The following TMEM266 variants were observed in gnomAD, a reference collection of about 807,000 sequenced individuals.
TMEM266 encodes Hv1 related protein 1.
TMEM266 carries 33 observed loss-of-function variants against 50.5 expected under a neutral mutation model. That is an observed-to-expected ratio of 0.65 (90% CI 0.50 to 0.87). TMEM266 has a LOEUF of 0.87. TMEM266 is among the 40% of genes least tolerant of loss of function. TMEM266 has a pLI of 0.00. For missense variants in TMEM266, 655 were observed against 695.1 expected (o/e 0.94, Z 0.65); for synonymous variants, 310 against 292.3 (o/e 1.06, Z -0.62).
intron 1 of TMEM266, among the ~76,000 whole-genome samples, chr15:76,131,996 T>C (rs1486913615): frequency 1.3e-5 from 2 of 152,220 alleles, no homozygotes; most frequent in Non-Finnish European, 2.9e-5. Flanking sequence ...TTTAAGAACC[T>C]GGGTTCTGAG....
chr15:76,203,650 T>C, intron 10 of TMEM266, 91 bp from the exon 11 acceptor site: 3 of 1,248,118 alleles, frequency 2.4e-6, no homozygotes, highest in South Asian at 1.4e-5. Context: ...GCCACACTCA[T>C]TGCCCACCGC....
rs1208714166 is a variant in TMEM266, at chr15:76,161,834, C to G, written c.456+1666C>G. On this transcript the variant is annotated intron_variant, in intron 5 of 10. Transcript: ENST00000388942. The surrounding 1 kb of genome is among the most constrained non-coding windows in gnomAD (Gnocchi z 4.1). ...TCTGCCCGGCCAGGATTCCCTCCCG[C>G]AAACACATGGGCCGTGGCCAGATGT... 6.6e-6 allele frequency among the ~76,000 whole-genome samples: 1 copy of G among 152,234 alleles called. No homozygotes were observed.
rs575176270 is a variant in TMEM266, at chr15:76,125,873, G to T, written c.-96-8295G>T. On this transcript the variant is annotated intron_variant, in intron 1 of 10. Coordinates refer to ENST00000388942, the MANE Select transcript of TMEM266 (RefSeq NM_152335.3). ...AAAAAAAAAAAAAAAAAGGCAGTGG[G>T]GGGGATGGGGATGGCAAAGGTCCTG... 6.5e-3 allele frequency among the ~76,000 whole-genome samples: 983 copies of T among 151,146 alleles called. 10 individuals are homozygous for T. The highest frequency in any genetic ancestry group is 0.023 in the African/African-American group (942 of 41,218).
At chr15:76,184,038 C>T (rs913468914) in intron 8 of TMEM266, among the ~76,000 whole-genome samples, 4 of 152,168 alleles carry the variant, frequency 2.6e-5, no homozygotes, top group Admixed American at 2.0e-4. Context: ...GTAGGTCACT[C>T]GCCTTTGAGG....
At chr15:76,173,333 CCGAGGCTT>C (rs2038216106) in intron 7 of TMEM266, among the ~76,000 whole-genome samples, 1 of 152,090 alleles carries the variant, frequency 6.6e-6, no homozygotes, top group African/African-American at 2.4e-5. Context: ...AGGCATGTGA[CCGAGGCTT>C]CTGAAGAGTC....
At chr15:76,067,950 C>T (rs2036464322) in intron 1 of TMEM266, among the ~76,000 whole-genome samples, 1 of 152,108 alleles carries the variant, frequency 6.6e-6, no homozygotes, top group African/African-American at 2.4e-5. Context: ...CTGCTTCTGA[C>T]CATAAAGCCA....
intron 1 of TMEM266, among the ~76,000 whole-genome samples, chr15:76,065,625 C>G (rs1017336412): frequency 2.6e-5 from 4 of 152,150 alleles, no homozygotes; most frequent in Non-Finnish European, 5.9e-5. Flanking sequence ...ATTTAACCCT[C>G]GTACCTCAGT....
chr15:76,145,335 A>G lies in TMEM266; in HGVS notation c.227+7440A>G, dbSNP rs181753319. On this transcript the variant is annotated intron_variant, in intron 3 of 10. Transcript: ENST00000388942. ...CCTCCTTCCTGCTGCGACAGGAACCAGTGATTTCCACTGGAAATGGTGATT... is the reference window on the plus strand; with the variant it reads ...CCTCCTTCCTGCTGCGACAGGAACCGGTGATTTCCACTGGAAATGGTGATT... Among the ~76,000 whole-genome samples the G allele has an allele frequency of 4.6e-3, 700 of 152,154 alleles. 6 individuals are homozygous for G. The highest frequency in any genetic ancestry group is 0.016 in the African/African-American group (651 of 41,530).
At chr15:76,140,759 G>A (rs1025020772) in intron 3 of TMEM266, among the ~76,000 whole-genome samples, 3 of 152,038 alleles carry the variant, frequency 2.0e-5, no homozygotes, top group Non-Finnish European at 2.9e-5. Flanking sequence ...CGGGGGCGGG[G>A]CATGCTAGTT....
At chr15:76,093,213 G>A (rs910627824) in intron 1 of TMEM266, among the ~76,000 whole-genome samples, 2 of 151,314 alleles carry the variant, frequency 1.3e-5, no homozygotes, top group Admixed American at 1.3e-4. Flanking sequence ...AGGTATACAC[G>A]TGCCATGTTA....
intron 7 of TMEM266, 147 bp downstream of exon 7, chr15:76,171,278 C>A: frequency 8.6e-7 from 1 of 1,163,280 alleles, no homozygotes. Flanking sequence ...GCCAGCTGTC[C>A]CTGCTCACTC....
chr15:76,182,432 C>T (rs1044983563), intron 8 of TMEM266, among the ~76,000 whole-genome samples: 5 of 151,704 alleles, frequency 3.3e-5, no homozygotes, highest in African/African-American at 7.3e-5. Flanking sequence ...GTCAGGAGGT[C>T]GAGACCATCC....
At chr15:76,136,613 A>G (rs2037592424) in intron 2 of TMEM266, among the ~76,000 whole-genome samples, 1 of 152,172 alleles carries the variant, frequency 6.6e-6, no homozygotes, top group Non-Finnish European at 1.5e-5. Flanking sequence ...CCTTGCCATT[A>G]TACAATTGTT....
chr15:76,173,324 G>A (rs1351940395), intron 7 of TMEM266, among the ~76,000 whole-genome samples: 1 of 152,204 alleles, frequency 6.6e-6, no homozygotes, highest in South Asian at 2.1e-4. Flanking sequence ...GGGCAAGAGA[G>A]GCATGTGACC....
intron 9 of TMEM266, among the ~76,000 whole-genome samples, chr15:76,196,636 C>G (rs1477881328): frequency 6.6e-6 from 1 of 152,100 alleles, no homozygotes; most frequent in Non-Finnish European, 1.5e-5. Flanking sequence ...AGGACACAGA[C>G]AATCCAGGGA....
chr15:76,118,633 T>A (rs1004107148), intron 1 of TMEM266, among the ~76,000 whole-genome samples: 2 of 152,192 alleles, frequency 1.3e-5, no homozygotes, highest in African/African-American at 4.8e-5. Context: ...AGCCCTGAGC[T>A]CTGCACTTTC....
At chr15:76,182,296 T>C (rs1395762814) in intron 8 of TMEM266, among the ~76,000 whole-genome samples, 1 of 151,922 alleles carries the variant, frequency 6.6e-6, no homozygotes, top group Non-Finnish European at 1.5e-5. Flanking sequence ...GGATGCCATA[T>C]GCATCAAATT....
intron 2 of TMEM266, among the ~76,000 whole-genome samples, chr15:76,135,790 A>G (rs1449795091): frequency 6.6e-6 from 1 of 152,236 alleles, no homozygotes; most frequent in Non-Finnish European, 1.5e-5. Flanking sequence ...AGAATTGGGC[A>G]TTAGAAATTA....
chr15:76,151,113 T>C (rs965640712), intron 3 of TMEM266, among the ~76,000 whole-genome samples: 1 of 152,066 alleles, frequency 6.6e-6, no homozygotes, highest in Admixed American at 6.6e-5. Context: ...AGACAGGACA[T>C]TGGGAAACGC....
Sources: gnomAD v4.1 joint callset for allele counts (sites outside exome capture counted in the v4.1 genomes callset) on GRCh38, gnomAD v4.1.1 for gene constraint, Gnocchi (gnomAD v3.1) non-coding constraint, MANE v1.5 for transcripts, NCBI Gene and HGNC (gene_info 2026-07-23, HGNC 2026-07-21) for gene names.